WDR86: variants seen among roughly 807,000 people sequenced by gnomAD.
The protein encoded by WDR86 is WD repeat domain 86.
A neutral mutation model predicts 36.5 loss-of-function variants in WDR86; 30 were observed. That is an observed-to-expected ratio of 0.82 (90% CI 0.61 to 1.11). WDR86 has a LOEUF of 1.11. WDR86 is among the 50% of genes most tolerant of loss of function. The pLI is 0.00. For synonymous variants in WDR86, 255 were observed against 252.9 expected (o/e 1.01, Z -0.08); for missense variants, 545 against 561.2 (o/e 0.97, Z 0.29).
At chr7:151,391,215 G>T (rs1253535546) in intron 3 of WDR86, among the ~76,000 whole-genome samples, 1 of 152,284 alleles carries the variant, frequency 6.6e-6, no homozygotes, top group Non-Finnish European at 1.5e-5. Flanking sequence ...ACCTGCGGGG[G>T]CGGGGCCCAG....
Position 151,381,413 on chromosome 7 carries a change from C to A in WDR86, c.*169G>T. The A allele has an allele frequency of 1.3e-6, 2 of 1,487,278 alleles. No homozygotes were observed. Among genetic ancestry groups the A allele is most frequent in the Non-Finnish European group, 1.8e-6 (2 of 1,126,714 alleles). 92.1% of individuals were successfully genotyped at this position (1,487,278 alleles called of 1,614,324 possible). A position where few individuals can be genotyped will look rare whatever the true frequency, so the allele number is the denominator to read the frequency against. The stretch of plus-strand genomic sequence containing the variant: ...GCGAGCACTCCCGCTCCCAGCGCCT[C>A]CTGGCCACCAAAGAAAAACCAGACG... On this transcript the variant is annotated 3_prime_UTR_variant, in exon 6 of 6. Coordinates refer to ENST00000334493, the MANE Select transcript of WDR86 (RefSeq NM_198285.3). The surrounding 1 kb of genome is among the most constrained non-coding windows in gnomAD (Gnocchi z 4.8).
intron 1 of WDR86, among the ~76,000 whole-genome samples, chr7:151,403,506 T>C (rs56157214): frequency 0.11 from 17,196 of 152,084 alleles, 1,283 homozygotes; most frequent in East Asian, 0.31. Context: ...CCCGACCCCC[T>C]GAGTTTAAGT....
At chr7:151,400,310 A>G (rs1304481960) in intron 1 of WDR86, 69 bp from the exon 2 acceptor site, 2 of 1,442,128 alleles carry the variant, frequency 1.4e-6, no homozygotes, top group African/African-American at 1.4e-5. Context: ...TTCTGGGAAC[A>G]ATGTTTGAAA....
downstream of WDR86, chr7:151,377,241 A>AG (rs769395832): frequency 6.7e-7 from 1 of 1,487,242 alleles, no homozygotes; most frequent in East Asian, 2.4e-5. Flanking sequence ...GAACAGAAAT[A>AG]GCGCTAATTT....
Position 151,409,912 on chromosome 7 carries a change from G to T in WDR86, c.-323C>A. The T allele has an allele frequency of 9.1e-7, 1 of 1,101,510 alleles. No individual in the cohort carries two copies. Among genetic ancestry groups the T allele is most frequent in the Non-Finnish European group, 1.1e-6 (1 of 905,054 alleles). 68.2% of individuals were successfully genotyped at this position (1,101,510 alleles called of 1,614,324 possible). ...ATCCACACCCCACCGGGCGAACAAGGCAGCTGCGTCTCTGGTGCACAAGGA... is the reference window on the plus strand; with the variant it reads ...ATCCACACCCCACCGGGCGAACAAGTCAGCTGCGTCTCTGGTGCACAAGGA... On this transcript the variant is annotated 5_prime_UTR_variant, in exon 1 of 6. Transcript: ENST00000334493. This position sits in a 1 kb window ranked among gnomAD's most constrained non-coding sequence, Gnocchi z 5.2.
chr7:151,410,246 C>T (rs1245708566), upstream of WDR86, among the ~76,000 whole-genome samples: 3 of 152,256 alleles, frequency 2.0e-5, no homozygotes, highest in African/African-American at 7.2e-5. Context: ...CCGCCTGGGT[C>T]CCCTGAGCCA....
At position 151,390,610 on chromosome 7, in the gene WDR86, G is replaced by T. The variant is rs895999055; in HGVS notation, c.726+5166C>A. Among the ~76,000 whole-genome samples, 3 of 152,214 alleles carry T rather than the reference G, an allele frequency of 2.0e-5. No individual in the cohort carries two copies. The highest frequency in any genetic ancestry group is 2.0e-4 in the Admixed American group (3 of 15,282). ...GGATGCACCCAGATCCCGTCCACCC[G>T]TTCACAACAGCTGAAAGGTGAAAGC... On this transcript the variant is annotated intron_variant, in intron 3 of 5. Transcript: ENST00000334493. The surrounding 1 kb of genome is among the most constrained non-coding windows in gnomAD (Gnocchi z 4.5).
downstream of WDR86, chr7:151,374,279 G>A: frequency 1.3e-6 from 2 of 1,549,446 alleles, no homozygotes; most frequent in Non-Finnish European, 1.7e-6. Flanking sequence ...CCTTGTCCCT[G>A]AGCAGTGGGT....
intron 3 of WDR86, among the ~76,000 whole-genome samples, chr7:151,392,187 C>T (rs1043312590): frequency 2.0e-5 from 3 of 152,168 alleles, no homozygotes; most frequent in Non-Finnish European, 4.4e-5. Context: ...GATCGGGGCC[C>T]CCAGCCTATG....
intron 3 of WDR86, among the ~76,000 whole-genome samples, chr7:151,385,801 G>A (rs1025860377): frequency 1.3e-5 from 2 of 152,194 alleles, no homozygotes; most frequent in Admixed American, 6.5e-5. Flanking sequence ...CTGCTGTCTC[G>A]CAGGAGGTAC....
downstream of WDR86, chr7:151,374,044 G>T (rs961911770): frequency 6.7e-7 from 1 of 1,502,808 alleles, no homozygotes; most frequent in Non-Finnish European, 9.0e-7. Context: ...AGACTGAGAG[G>T]CTGTGAAATC....
rs547430211 is a variant in WDR86, at chr7:151,399,632, G to A, written c.305+468C>T. ...AATTCCAACCTTCTTGAGAAGGAGG[G>A]GCTGGGATATTTTCCACAGCTACAA... is the stretch of plus-strand genomic sequence containing the variant. On this transcript the variant is annotated intron_variant, in intron 2 of 5. Coordinates refer to ENST00000334493, the MANE Select transcript of WDR86 (RefSeq NM_198285.3). Among the ~76,000 whole-genome samples, 3 of 152,336 alleles carry A rather than the reference G, an allele frequency of 2.0e-5. No individual in the cohort carries two copies. The East Asian group carries it at 5.8e-4, about 29-fold the overall frequency.
chr7:151,376,920 C>T (rs1563034188), downstream of WDR86: 11 of 1,429,798 alleles, frequency 7.7e-6, no homozygotes, highest in Admixed American at 4.9e-5. Context: ...CGTCCCCTGA[C>T]GTCACCGGGC....
rs757049994 is a variant in WDR86, at chr7:151,408,877, GGCGAATTACTTAACTCCCA to G, written c.163+531_163+549del. ...TACCCCTCACTGGCTGTGCGACCTG[GGCGAATTACTTAACTCCCA>G]GCCTGTTTCCACGTCTGTATGTGGG... On this transcript the variant is annotated intron_variant, in intron 1 of 5. Coordinates refer to ENST00000334493, the MANE Select transcript of WDR86 (RefSeq NM_198285.3). 8.5e-5 allele frequency: 40 copies of G among 469,190 alleles called. 1 individual carries two copies. The highest frequency in any genetic ancestry group is 6.2e-4 in the South Asian group (40 of 64,532). 29.1% of individuals were successfully genotyped at this position (469,190 alleles called of 1,614,324 possible).
In WDR86 at chr7:151,375,954, G is replaced by T. The variant is rs371703710; in HGVS notation, n.1336C>A. ...GAAAACATTGACCGAGTGAGTGACA[G>T]GCCTTTGTGCCCTCAGCTTGGACAG... On this transcript the variant is annotated non_coding_transcript_exon_variant, in exon 2 of 2. Transcript: ENST00000463000. The T allele has an allele frequency of 1.5e-5, 24 of 1,579,576 alleles. No individual in the cohort carries two copies. The African/African-American group carries it at 2.6e-4, about 17-fold the overall frequency.
Position 151,405,241 on chromosome 7 carries a change from C to CGCA in WDR86, c.163+4183_163+4185dup, listed in dbSNP as rs1284339914. On this transcript the variant is annotated intron_variant, in intron 1 of 5. Coordinates refer to ENST00000334493, the MANE Select transcript of WDR86 (RefSeq NM_198285.3). The surrounding 1 kb of genome is among the most constrained non-coding windows in gnomAD (Gnocchi z 4.7). ...ACCGTGGGTTCCGACAAGTGGGAGC[C>CGCA]GCAGCTGGAGACTCTAGGTCAGGAT... Among the ~76,000 whole-genome samples the CGCA allele has an allele frequency of 7.0e-6, 1 of 142,910 alleles. No individual in the cohort carries two copies. The highest frequency in any genetic ancestry group is 2.8e-5 in the African/African-American group (1 of 36,314). The allele number at this position is 142,910 out of a possible 152,430, so 93.8% of individuals were successfully genotyped here.
downstream of WDR86, chr7:151,375,776 C>A: frequency 9.9e-7 from 1 of 1,005,216 alleles, no homozygotes; most frequent in Non-Finnish European, 1.6e-6. Context: ...TAGCACATGG[C>A]AGGGTGCAGC....
Position 151,381,380 on chromosome 7 carries a change from T to C in WDR86, c.*202A>G, listed in dbSNP as rs2150738505. The C allele has an allele frequency of 8.3e-6, 12 of 1,451,522 alleles. No individual in the cohort carries two copies. Among genetic ancestry groups the C allele is most frequent in the Non-Finnish European group, 1.1e-5 (12 of 1,112,412 alleles). 89.9% of individuals were successfully genotyped at this position (1,451,522 alleles called of 1,614,324 possible). ...CACCCTAAAAGGGAAAAGGGGGCGG[T>C]CCCCAGGGCGAGCACTCCCGCTCCC... On this transcript the variant is annotated 3_prime_UTR_variant, in exon 6 of 6. Coordinates refer to ENST00000334493, the MANE Select transcript of WDR86 (RefSeq NM_198285.3). This position sits in a 1 kb window ranked among gnomAD's most constrained non-coding sequence, Gnocchi z 4.8.
Position 151,405,474 on chromosome 7 carries a change from T to G in WDR86, c.163+3953A>C, listed in dbSNP as rs1800642745. The stretch of plus-strand genomic sequence containing the variant: ...CCTGCATTTTGCAGTGTCCCTTTAT[T>G]AAACTCTCCTGGTAGAACCCAGTTT... On this transcript the variant is annotated intron_variant, in intron 1 of 5. Transcript: ENST00000334493. The surrounding 1 kb of genome is among the most constrained non-coding windows in gnomAD (Gnocchi z 4.7). 6.6e-6 allele frequency among the ~76,000 whole-genome samples: 1 copy of G among 152,164 alleles called. No individual in the cohort carries two copies.
Sources: allele counts gnomAD v4.1 joint callset (sites outside exome capture counted in the v4.1 genomes callset), GRCh38; gene constraint gnomAD v4.1.1; non-coding constraint Gnocchi (gnomAD v3.1); transcripts MANE v1.5; gene names NCBI Gene and HGNC (gene_info 2026-07-23, HGNC 2026-07-21).